The following ZNF581 variants were observed in gnomAD, a reference collection of about 807,000 sequenced individuals.
ZNF581 encodes zinc finger protein 581.
Under a neutral mutation model 1.2 loss-of-function variants are expected in ZNF581, and 1 was observed. The ratio of observed to expected loss-of-function variants is 0.83; its 90% confidence interval spans 0.30 to 3.95. ZNF581 has a LOEUF of 3.95. ZNF581 is among the 30% of genes most tolerant of loss of function. The pLI is 0.18. For missense variants in ZNF581, 273 were observed against 274.6 expected, an observed-to-expected ratio of 0.99 and a Z score of 0.04; for synonymous variants, 105 against 109.2, an observed-to-expected ratio of 0.96 and a Z score of 0.24.
Position 55,644,548 on chromosome 19 carries a change from A to C in ZNF581, c.-19-5A>C, listed in dbSNP as rs1465758384. 1.9e-6 allele frequency: 3 copies of C among 1,542,676 alleles called. No homozygotes were observed. Among genetic ancestry groups the C allele is most frequent in the Middle Eastern group, 1.7e-4 (1 of 5,824 alleles). On this transcript the variant is annotated splice_region_variant and splice_polypyrimidine_tract_variant and intron_variant, in intron 1 of 1. Transcript: ENST00000270451. The surrounding 1 kb of genome is among the most constrained non-coding windows in gnomAD (Gnocchi z 4.3). ...AACCTTCTTATCCCATCTCCCATCC[A>C]CCAGGCCTCAGCCAGCCCTCCGGAT...
rs759556031 is a variant in ZNF581 at position 55,644,686 on chromosome 19, A to G, written c.115A>G (p.Ile39Val). ...RSPEPGPSSS[I>V]GSPQASSPPR... ...CCCAGAACCTGGACCTTCCTCCTCC[A>G]TCGGATCTCCCCAGGCTTCATCTCC... is the stretch of plus-strand genomic sequence containing the variant. Residue 39 changes from isoleucine (I) to valine (V), a missense_variant, in exon 2 of 2, where the codon ATC (isoleucine) becomes GTC (valine). Ile to Val is a conservative substitution (Grantham distance 29). Transcript: ENST00000270451. This position sits in a 1 kb window ranked among gnomAD's most constrained non-coding sequence, Gnocchi z 4.3. 1.9e-6 allele frequency: 3 copies of G among 1,613,378 alleles called. No individual in the cohort carries two copies. The South Asian group carries it at 3.3e-5, about 18-fold the overall frequency.
upstream of ZNF581, chr19:55,643,162 C>G: frequency 2.4e-6 from 3 of 1,243,460 alleles, no homozygotes; most frequent in African/African-American, 1.6e-5. Flanking sequence ...GTTTCCCCAC[C>G]TTCCAAAGGG....
chr19:55,637,461 T>G (rs2123617104), upstream of ZNF581, among the ~76,000 whole-genome samples: 1 of 152,076 alleles, frequency 6.6e-6, no homozygotes, highest in Non-Finnish European at 1.5e-5. Flanking sequence ...CGCTTGAACC[T>G]GGGAGGTGGA....
At position 55,644,841 on chromosome 19, in the gene ZNF581, C is replaced by T. The variant is rs556294832; in HGVS notation, c.270C>T (p.Pro90=). The T allele has an allele frequency of 5.0e-6, 8 of 1,612,838 alleles. No individual in the cohort carries two copies. Among genetic ancestry groups the T allele is most frequent in the African/African-American group, 2.7e-5 (2 of 75,028 alleles). Residue 90 remains proline, a synonymous_variant, in exon 2 of 2, where the codon CCC becomes CCT. Transcript: ENST00000270451. The surrounding 1 kb of genome is among the most constrained non-coding windows in gnomAD (Gnocchi z 4.3). The part of the protein sequence containing the change: ...APGQKKCYSC[P]VCSRVFEYMS... ...GCCAGAAAAAGTGCTACAGCTGCCC[C>T]GTGTGCTCAAGGGTCTTCGAGTACA...
chr19:55,644,972 A>G lies in ZNF581; in HGVS notation c.401A>G (p.His134Arg). 6.2e-7 allele frequency: 1 copy of G among 1,609,252 alleles called. No homozygotes were observed. The highest frequency in any genetic ancestry group is 8.5e-7 in the Non-Finnish European group (1 of 1,176,088). Reference protein sequence around the residue: ...FKRASHLARHHSIHLAGGGRP... With the variant: ...FKRASHLARHRSIHLAGGGRP... ...CGCGCCAGCCACTTGGCACGGCACC[A>G]TTCCATTCACCTGGCGGGTGGTGGG... Residue 134 changes from histidine (H) to arginine (R), a missense_variant, in exon 2 of 2, where the codon CAT becomes CGT. By Grantham distance (29) the His-to-Arg change is conservative. Coordinates refer to ENST00000270451, the MANE Select transcript of ZNF581 (RefSeq NM_016535.4). This position sits in a 1 kb window ranked among gnomAD's most constrained non-coding sequence, Gnocchi z 4.3.
chr19:55,643,169 A>C, upstream of ZNF581: 2 of 1,236,668 alleles, frequency 1.6e-6, no homozygotes, highest in Non-Finnish European at 2.1e-6. Flanking sequence ...CACCTTCCAA[A>C]GGGAGGAGCA....
chr19:55,636,157 G>A (rs940135392), upstream of ZNF581, among the ~76,000 whole-genome samples: 1 of 152,208 alleles, frequency 6.6e-6, no homozygotes, highest in Non-Finnish European at 1.5e-5. Context: ...TGGTGCTGAA[G>A]TTGCATTCAA....
chr19:55,644,450 T>C lies in ZNF581; in HGVS notation c.-19-103T>C. On this transcript the variant is annotated intron_variant, in intron 1 of 1. Transcript: ENST00000270451. This position sits in a 1 kb window ranked among gnomAD's most constrained non-coding sequence, Gnocchi z 4.3. ...AAAGAGGGACTGAGGGGCAGCAGGA[T>C]GCAGAGGTCCTGGGCCGGGTATAGG... 1.4e-6 allele frequency: 1 copy of C among 709,800 alleles called. No individual in the cohort carries two copies. Among genetic ancestry groups the C allele is most frequent in the Non-Finnish European group, 2.3e-6 (1 of 435,562 alleles). 44.0% of individuals were successfully genotyped at this position (709,800 alleles called of 1,614,324 possible).
upstream of ZNF581, chr19:55,635,135 G>T: frequency 6.6e-6 from 1 of 152,416 alleles, no homozygotes; most frequent in Non-Finnish European, 1.5e-5. Context: ...TTGGGGTGTG[G>T]GACAGAGTGG....
rs749625936 is a variant in ZNF581 at position 55,644,337 on chromosome 19, A to G, written c.-19-216A>G. ...ATCCTGTGAGTACAGTGTATGGTGGAGCACCGAGGCTAGGAGAGGTTTTCC... is the reference window on the plus strand; with the variant it reads ...ATCCTGTGAGTACAGTGTATGGTGGGGCACCGAGGCTAGGAGAGGTTTTCC... On this transcript the variant is annotated intron_variant, in intron 1 of 1. Coordinates refer to ENST00000270451, the MANE Select transcript of ZNF581 (RefSeq NM_016535.4). The surrounding 1 kb of genome is among the most constrained non-coding windows in gnomAD (Gnocchi z 4.3). Among the ~76,000 whole-genome samples the G allele has an allele frequency of 3.3e-5, 5 of 152,078 alleles. No individual in the cohort carries two copies. Among genetic ancestry groups the G allele is most frequent in the Non-Finnish European group, 7.4e-5 (5 of 67,990 alleles).
chr19:55,641,891 G>A (rs1982513920), upstream of ZNF581: 1 of 225,060 alleles, frequency 4.4e-6, no homozygotes, highest in African/African-American at 2.3e-5. Context: ...TGAAATGTGG[G>A]GAATTGGGTT....
At position 55,644,135 on chromosome 19, in the gene ZNF581, G is replaced by T. The variant is rs1217987288; in HGVS notation, c.-20+361G>T. Among the ~76,000 whole-genome samples, 1 of 152,132 alleles carries T rather than the reference G, an allele frequency of 6.6e-6. No homozygotes were observed. Among genetic ancestry groups the T allele is most frequent in the Non-Finnish European group, 1.5e-5 (1 of 68,012 alleles). Reference sequence around the variant, plus strand: ...CCCTGTGAATAGGCTTGGCTTGTATGGAGGGGGTCAGGAAAGGCTTGAGTA... The same window carrying T: ...CCCTGTGAATAGGCTTGGCTTGTATTGAGGGGGTCAGGAAAGGCTTGAGTA... On this transcript the variant is annotated intron_variant, in intron 1 of 1. Transcript: ENST00000270451. The surrounding 1 kb of genome is among the most constrained non-coding windows in gnomAD (Gnocchi z 4.3).
At chr19:55,641,048 A>C (rs895020935), upstream of ZNF581, 122 of 984,790 alleles carry the variant, frequency 1.2e-4, no homozygotes, top group Non-Finnish European at 1.4e-4. Context: ...CCGCGCCCCC[A>C]GTCCCCGCGT....
chr19:55,637,271 C>T (rs1298674297), upstream of ZNF581, among the ~76,000 whole-genome samples: 14 of 152,180 alleles, frequency 9.2e-5, no homozygotes, highest in Admixed American at 9.2e-4. Context: ...CATGGTGGCT[C>T]ACGCCTATAA....
chr19:55,639,015 AAAAAAAAAAG>A (rs1982270712), upstream of ZNF581, among the ~76,000 whole-genome samples: 3 of 150,764 alleles, frequency 2.0e-5, no homozygotes, highest in Admixed American at 6.6e-5. Context: ...CCAAAAAAAA[AAAAAAAAAAG>A]AAAAAAAAAA....
upstream of ZNF581, chr19:55,642,021 G>T (rs1389222736): frequency 7.1e-6 from 7 of 983,202 alleles, no homozygotes; most frequent in Non-Finnish European, 8.4e-6. Context: ...GGGGGCCGGT[G>T]GGGGGGTAGG....
Position 55,644,943 on chromosome 19 carries a change from C to G in ZNF581, c.372C>G (p.Phe124Leu), listed in dbSNP as rs774990475. 5 of 1,613,310 alleles carry G rather than the reference C, an allele frequency of 3.1e-6. No individual in the cohort carries two copies. The highest frequency in any genetic ancestry group is 3.4e-6 in the Non-Finnish European group (4 of 1,179,460). Residue 124 changes from phenylalanine (F) to leucine (L), a missense_variant, in exon 2 of 2, where the codon TTC becomes TTG. By Grantham distance (22) the Phe-to-Leu change is conservative. Transcript: ENST00000270451. The surrounding 1 kb of genome is among the most constrained non-coding windows in gnomAD (Gnocchi z 4.3). ...PFECDICGKA[F>L]KRASHLARHH... ...AGTGTGACATCTGTGGGAAGGCATT[C>G]AAGCGCGCCAGCCACTTGGCACGGC...
upstream of ZNF581, chr19:55,640,617 C>A (rs1181429051): frequency 1.0e-5 from 10 of 985,336 alleles, 1 homozygote; most frequent in Non-Finnish European, 1.2e-5. Context: ...GGCCCGGCCA[C>A]ATCGGAGCCA....
At chr19:55,636,834 T>C (rs1982120064), upstream of ZNF581, among the ~76,000 whole-genome samples, 1 of 152,086 alleles carries the variant, frequency 6.6e-6, no homozygotes, top group Non-Finnish European at 1.5e-5. Context: ...TGTGAGGGGC[T>C]GAAAGGAACA....
Sources: allele counts gnomAD v4.1 joint callset (sites outside exome capture counted in the v4.1 genomes callset), GRCh38; gene constraint gnomAD v4.1.1; non-coding constraint Gnocchi (gnomAD v3.1); transcripts MANE v1.5; gene names NCBI Gene and HGNC (gene_info 2026-07-23, HGNC 2026-07-21).